Variants in SORT1 observed in about 807,000 individuals in gnomAD.
SORT1 encodes the protein sortilin.
A neutral mutation model predicts 101.7 loss-of-function variants in SORT1; 39 were observed. The observed-to-expected ratio is 0.38, with a 90% CI of 0.30 to 0.50. The LOEUF is 0.50. SORT1 is among the 20% of genes least tolerant of loss of function. SORT1 has a pLI of 0.90. For synonymous variants in SORT1, 396 were observed against 393.7 expected, an observed-to-expected ratio of 1.01 and a Z score of -0.07; for missense variants, 878 against 1,040.4, an observed-to-expected ratio of 0.84 and a Z score of 2.15.
chr1:109,325,203 G>A, intron 13 of SORT1, 114 bp from the exon 14 acceptor site: 1 of 512,512 alleles, frequency 2.0e-6, no homozygotes, highest in Non-Finnish European at 3.4e-6. Flanking sequence ...CATTTAGGTG[G>A]TGGCTTATTG....
intron 10 of SORT1, among the ~76,000 whole-genome samples, chr1:109,339,980 C>G (rs1349760233): frequency 6.6e-6 from 1 of 151,960 alleles, no homozygotes; most frequent in African/African-American, 2.4e-5. Flanking sequence ...GAAACCCCAT[C>G]TCTACTAAAA....
rs1658611849 is a variant in SORT1 at position 109,309,817 on chromosome 1, T to TG, written c.*4225dup. 6.6e-6 allele frequency: 1 copy of TG among 152,404 alleles called. No individual in the cohort carries two copies. The highest frequency in any genetic ancestry group is 2.1e-4 in the South Asian group (1 of 4,834). 9.4% of individuals were successfully genotyped at this position (152,404 alleles called of 1,614,324 possible). A position where few individuals can be genotyped will look rare whatever the true frequency, so the allele number is the denominator to read the frequency against. On this transcript the variant is annotated 3_prime_UTR_variant, in exon 20 of 20. Transcript: ENST00000256637. ...TTCTGTCCTAAGGGAATAGAAAACT[T>TG]GGGTTTTTAGGGCACATGCAGTAAT...
At chr1:109,361,076 A>G (rs1381172505) in intron 3 of SORT1, among the ~76,000 whole-genome samples, 1 of 152,170 alleles carries the variant, frequency 6.6e-6, no homozygotes, top group African/African-American at 2.4e-5. Flanking sequence ...CAGTCTGTGC[A>G]ATTTAGATAG....
At chr1:109,340,681 T>C (rs751805989) in intron 10 of SORT1, 43 bp downstream of exon 10, 1 of 1,606,630 alleles carries the variant, frequency 6.2e-7, no homozygotes, top group Non-Finnish European at 8.5e-7. Flanking sequence ...TCCTACCACA[T>C]GCAGCTGAAG....
chr1:109,391,341 A>G (rs1196546347), intron 1 of SORT1, among the ~76,000 whole-genome samples: 2 of 152,196 alleles, frequency 1.3e-5, no homozygotes, highest in African/African-American at 4.8e-5. Context: ...AAACAGCCAC[A>G]GTTTGCTTCT....
chr1:109,311,026 C>A lies in SORT1; in HGVS notation c.*3017G>T, dbSNP rs1036045804. On this transcript the variant is annotated 3_prime_UTR_variant, in exon 20 of 20. Transcript: ENST00000256637. ...AGACGTAGATTCTACGTTCCAGTTA[C>A]GGCTGATCTATGGACTCTCCTGAGC... 6.6e-6 allele frequency: 1 copy of A among 152,186 alleles called. No homozygotes were observed. Among genetic ancestry groups the A allele is most frequent in the Non-Finnish European group, 1.5e-5 (1 of 68,048 alleles). The allele number at this position is 152,186 out of a possible 1,614,324, so 9.4% of individuals were successfully genotyped here.
At chr1:109,377,679 T>C (rs983936651) in intron 1 of SORT1, among the ~76,000 whole-genome samples, 2 of 152,182 alleles carry the variant, frequency 1.3e-5, no homozygotes, top group African/African-American at 2.4e-5. Context: ...GTAGTCTATA[T>C]AGAAGAGAAA....
At chr1:109,354,701 T>TA (rs35693187) in intron 4 of SORT1, among the ~76,000 whole-genome samples, 170 bp from the exon 5 acceptor site, 1 of 152,134 alleles carries the variant, frequency 6.6e-6, no homozygotes, top group Admixed American at 6.6e-5. Context: ...CTTATTCTTA[T>TA]AAAAAAATAA....
intron 10 of SORT1, among the ~76,000 whole-genome samples, chr1:109,339,903 C>T (rs1242900781): frequency 6.6e-6 from 1 of 152,164 alleles, no homozygotes; most frequent in East Asian, 1.9e-4. Flanking sequence ...AATCCCAGCA[C>T]TTTGGGAGGC....
rs529686433 is a variant in SORT1 at position 109,355,641 on chromosome 1, A to ACCCCCCCCCCCCCCCCCCCCC, written c.441-173_441-172insGGGGGGGGGGGGGGGGGGGGG. On this transcript the variant is annotated intron_variant, in intron 3 of 19. Transcript: ENST00000256637. ...CCCTGGTGAGTCCGAAGAACATTCCACCCGCCCCCCCCCCCACAAACCCAC... is the reference window on the plus strand; with the variant it reads ...CCCTGGTGAGTCCGAAGAACATTCCACCCCCCCCCCCCCCCCCCCCCCCCGCCCCCCCCCCCACAAACCCAC... 2.4e-4 allele frequency among the ~76,000 whole-genome samples: 20 copies of ACCCCCCCCCCCCCCCCCCCCC among 84,096 alleles called. 2 individuals are homozygous for ACCCCCCCCCCCCCCCCCCCCC. Among genetic ancestry groups the ACCCCCCCCCCCCCCCCCCCCC allele is most frequent in the Non-Finnish European group, 3.7e-4 (16 of 43,584 alleles). The allele number at this position is 84,096 out of a possible 152,430, so 55.2% of individuals were successfully genotyped here. A position where few individuals can be genotyped will look rare whatever the true frequency, so the allele number is the denominator to read the frequency against.
At chr1:109,330,259 C>T (rs571000738) in intron 11 of SORT1, among the ~76,000 whole-genome samples, 1 of 152,230 alleles carries the variant, frequency 6.6e-6, no homozygotes, top group South Asian at 2.1e-4. Context: ...TCCCAAAGTG[C>T]AAGGATTATA....
At position 109,336,282 on chromosome 1, in the gene SORT1, A is replaced by C. The variant is rs1488330603; in HGVS notation, c.1329T>G (p.Pro443=). The change falls in exon 11 of 20, where the codon CCT becomes CCG. Residue 443 remains proline (P), a synonymous_variant. Transcript: ENST00000256637. ...CTGTAGCATCACATTCACTGTTTTC[A>C]GGCTTCCTCAGGTGCGTCCACCTTC... ...QGGRWTHLRK[P]ENSECDATAK... The C allele has an allele frequency of 8.7e-6, 14 of 1,613,646 alleles. No homozygotes were observed. Among genetic ancestry groups the C allele is most frequent in the Non-Finnish European group, 1.2e-5 (14 of 1,179,522 alleles).
At chr1:109,337,389 G>C (rs745828011) in intron 10 of SORT1, among the ~76,000 whole-genome samples, 1 of 151,896 alleles carries the variant, frequency 6.6e-6, no homozygotes, top group Non-Finnish European at 1.5e-5. Flanking sequence ...TGGGATTACA[G>C]GCACCTGCCG....
At chr1:109,375,858 T>C (rs1483641053) in intron 1 of SORT1, among the ~76,000 whole-genome samples, 2 of 151,906 alleles carry the variant, frequency 1.3e-5, no homozygotes, top group African/African-American at 4.8e-5. Context: ...CTATAGCAAG[T>C]GAAACTATTT....
chr1:109,362,220 G>A (rs1650770185), intron 3 of SORT1, among the ~76,000 whole-genome samples: 1 of 152,104 alleles, frequency 6.6e-6, no homozygotes, highest in Admixed American at 6.5e-5. Flanking sequence ...GTTATGTATT[G>A]ATCATTTGAT....
At chr1:109,334,469 G>A (rs1177723001) in intron 11 of SORT1, among the ~76,000 whole-genome samples, 2 of 152,186 alleles carry the variant, frequency 1.3e-5, no homozygotes, top group Non-Finnish European at 2.9e-5. Context: ...ATTTATAAGT[G>A]GAATGTAAAA....
intron 8 of SORT1, 109 bp from the exon 9 acceptor site, chr1:109,342,267 G>C (rs376637640): frequency 1.2e-4 from 100 of 815,780 alleles, no homozygotes; most frequent in African/African-American, 1.1e-3. Context: ...TCTCTACTGG[G>C]TACGATTGCT....
chr1:109,372,886 G>C (rs541528361), intron 1 of SORT1, among the ~76,000 whole-genome samples: 1 of 145,062 alleles, frequency 6.9e-6, no homozygotes, highest in Non-Finnish European at 1.5e-5. Flanking sequence ...GCGACAGAGC[G>C]AGGCTCCGTC....
At position 109,369,596 on chromosome 1, in the gene SORT1, G is replaced by A. The variant is rs765840508; in HGVS notation, c.307-7C>T. 12 of 1,595,638 alleles carry A rather than the reference G, an allele frequency of 7.5e-6. No homozygotes were observed. The South Asian group carries it at 1.2e-4, about 16-fold the overall frequency. On this transcript the variant is annotated splice_polypyrimidine_tract_variant and splice_region_variant and intron_variant, in intron 1 of 19. Coordinates refer to ENST00000256637, the MANE Select transcript of SORT1 (RefSeq NM_002959.7). ...TGAGATCATCAAACACATGCTATAA[G>A]GGGAAAAAAAATTAATTTAGAAATG...
Sources: allele counts gnomAD v4.1 joint callset (sites outside exome capture counted in the v4.1 genomes callset), GRCh38; gene constraint gnomAD v4.1.1; transcripts MANE v1.5; gene names NCBI Gene and HGNC (gene_info 2026-07-23, HGNC 2026-07-21).